DPYS: variants seen among roughly 807,000 people sequenced by gnomAD.
DPYS encodes the protein dihydropyrimidine amidohydrolase.
A neutral mutation model predicts 50.3 loss-of-function variants in DPYS; 39 were observed. The ratio of observed to expected loss-of-function variants is 0.78; its 90% confidence interval spans 0.60 to 1.01. DPYS has a LOEUF of 1.01. DPYS is among the 50% of genes least tolerant of loss of function. The pLI is 0.00. For missense variants in DPYS, 659 were observed against 680.9 expected, an observed-to-expected ratio of 0.97 and a Z score of 0.36; for synonymous variants, 245 against 250.7, an observed-to-expected ratio of 0.98 and a Z score of 0.22.
chr8:104,392,917 G>T lies in DPYS; in HGVS notation c.1310C>A (p.Pro437His), dbSNP rs1261901340. Reference protein sequence around the residue: ...IFEGMVCHGVPLVTISRGKVV... With the variant: ...IFEGMVCHGVHLVTISRGKVV... ...TTTGCCTCTTGAAATAGTCACAAGG[G>T]GCACCCCGTGGCAAACCATGCCCTC... The change falls in exon 8 of 10, where the codon CCC (proline) becomes CAC (histidine). Residue 437 changes from proline to histidine, a missense_variant. By Grantham distance (77) the Pro-to-His change is moderately conservative. Transcript: ENST00000351513. 6.2e-7 allele frequency: 1 copy of T among 1,614,028 alleles called. No individual in the cohort carries two copies. The highest frequency in any genetic ancestry group is 8.5e-7 in the Non-Finnish European group (1 of 1,180,044).
At chr8:104,442,771 A>G (rs915939150) in intron 4 of DPYS, among the ~76,000 whole-genome samples, 4 of 152,236 alleles carry the variant, frequency 2.6e-5, no homozygotes, top group African/African-American at 9.6e-5. Flanking sequence ...TATCAATTAT[A>G]TACATGCCAA....
chr8:104,382,989 C>A (rs1223607401), intron 8 of DPYS, among the ~76,000 whole-genome samples: 1 of 152,210 alleles, frequency 6.6e-6, no homozygotes, highest in Non-Finnish European at 1.5e-5. Flanking sequence ...TTCAGCTGTT[C>A]ATTTTTTGTC....
intron 7 of DPYS, among the ~76,000 whole-genome samples, chr8:104,407,955 G>GA (rs34571719): frequency 1.6e-4 from 23 of 146,406 alleles, no homozygotes; most frequent in African/African-American, 4.3e-4. Context: ...AAGACAGGAA[G>GA]AAAAAAAAAA....
At chr8:104,405,136 T>C (rs1375727641) in intron 7 of DPYS, among the ~76,000 whole-genome samples, 1 of 152,224 alleles carries the variant, frequency 6.6e-6, no homozygotes, top group Admixed American at 6.5e-5. Flanking sequence ...CGAATGACTG[T>C]CCCCACAGTG....
At chr8:104,398,246 T>A (rs1034972963) in intron 7 of DPYS, among the ~76,000 whole-genome samples, 2 of 152,230 alleles carry the variant, frequency 1.3e-5, no homozygotes, top group African/African-American at 4.8e-5. Flanking sequence ...ACCACAGGAA[T>A]CCATGTGGAG....
At chr8:104,399,215 T>TG (rs1207548694) in intron 7 of DPYS, among the ~76,000 whole-genome samples, 2 of 137,416 alleles carry the variant, frequency 1.5e-5, no homozygotes, top group Non-Finnish European at 1.5e-5. Flanking sequence ...CAGTTGAACC[T>TG]GGGGGGTGGA....
At chr8:104,452,850 CAAAT>C (rs1813797063) in intron 1 of DPYS, among the ~76,000 whole-genome samples, 1 of 152,000 alleles carries the variant, frequency 6.6e-6, no homozygotes, top group South Asian at 2.1e-4. Context: ...CAAAAATAAA[CAAAT>C]AAATAAAAAT....
intron 6 of DPYS, among the ~76,000 whole-genome samples, chr8:104,425,463 C>T (rs185073851): frequency 6.6e-6 from 1 of 151,844 alleles, no homozygotes; most frequent in East Asian, 2.0e-4. Context: ...TGGGGTATGC[C>T]CCACCATGCC....
At chr8:104,441,868 C>A (rs1367004585) in intron 4 of DPYS, among the ~76,000 whole-genome samples, 3 of 152,158 alleles carry the variant, frequency 2.0e-5, no homozygotes, top group African/African-American at 7.2e-5. Context: ...GCATACCCTG[C>A]ACTTACAAAA....
chr8:104,390,378 A>G lies in DPYS; in HGVS notation c.1443+2406T>C, dbSNP rs115728709. Among the ~76,000 whole-genome samples the G allele has an allele frequency of 7.2e-3, 1,090 of 152,124 alleles. 10 individuals carry two copies. The highest frequency in any genetic ancestry group is 0.024 in the African/African-American group (988 of 41,492). ...ATGTTTATAATTTACAGCATCTATT[A>G]TTACTTAAGGATAAAGTTTTTGGAA... On this transcript the variant is annotated intron_variant, in intron 8 of 9. Coordinates refer to ENST00000351513, the MANE Select transcript of DPYS (RefSeq NM_001385.3).
chr8:104,429,363 C>T, intron 5 of DPYS, 182 bp downstream of exon 5: 1 of 656,150 alleles, frequency 1.5e-6, no homozygotes, highest in Non-Finnish European at 2.6e-6. Context: ...GCTTTGACAA[C>T]ATATCACAGC....
chr8:104,412,176 G>A (rs1421791428), intron 7 of DPYS, among the ~76,000 whole-genome samples: 17 of 152,204 alleles, frequency 1.1e-4, no homozygotes, highest in African/African-American at 3.9e-4. Context: ...AGCAGGATAT[G>A]CTTGAAACCG....
rs2669429 is a variant in DPYS at position 104,451,462 on chromosome 8, A to G, written c.265-58T>C. The G allele has an allele frequency of 0.52, 832,156 of 1,606,164 alleles. 221,142 individuals are homozygous for G. The highest frequency in any genetic ancestry group is 0.56 in the Non-Finnish European group (654,397 of 1,176,764). ...TATCAATTTCCTAGTTAAGTCATTT[A>G]TCATCTTGAACAATGTGCATTTGTA... On this transcript the variant is annotated intron_variant, in intron 1 of 9. Coordinates refer to ENST00000351513, the MANE Select transcript of DPYS (RefSeq NM_001385.3).
At chr8:104,437,463 G>A (rs1388431294) in intron 4 of DPYS, among the ~76,000 whole-genome samples, 3 of 152,108 alleles carry the variant, frequency 2.0e-5, no homozygotes, top group Non-Finnish European at 4.4e-5. Flanking sequence ...AAATATATTA[G>A]CTAAAAGACT....
intron 7 of DPYS, among the ~76,000 whole-genome samples, chr8:104,401,047 A>G (rs1291316694): frequency 3.9e-5 from 6 of 152,214 alleles, no homozygotes; most frequent in Non-Finnish European, 4.4e-5. Context: ...GGTCTCCCCA[A>G]CCCCAGATAA....
intron 1 of DPYS, among the ~76,000 whole-genome samples, chr8:104,461,323 A>ATAAAG (rs1163243884): frequency 5.3e-5 from 8 of 151,166 alleles, no homozygotes; most frequent in Non-Finnish European, 8.8e-5. Context: ...ATAAAATAAA[A>ATAAAG]TAAAATAAAA....
intron 1 of DPYS, among the ~76,000 whole-genome samples, chr8:104,457,174 T>C (rs375167250): frequency 1.3e-5 from 2 of 152,158 alleles, no homozygotes; most frequent in East Asian, 3.9e-4. Context: ...TTTGGGGCCA[T>C]TATGAAGTAA....
At chr8:104,393,919 C>T (rs1048103211) in intron 7 of DPYS, among the ~76,000 whole-genome samples, 1 of 152,134 alleles carries the variant, frequency 6.6e-6, no homozygotes, top group East Asian at 1.9e-4. Flanking sequence ...AAACAGTGTA[C>T]GCTGAACCCA....
chr8:104,434,356 TC>T (rs1175635643), intron 4 of DPYS, among the ~76,000 whole-genome samples: 1 of 152,164 alleles, frequency 6.6e-6, no homozygotes, highest in Admixed American at 6.5e-5. Flanking sequence ...TAAATGCTGG[TC>T]AGCCTTTCCT....
Sources: allele counts gnomAD v4.1 joint callset (sites outside exome capture counted in the v4.1 genomes callset), GRCh38; gene constraint gnomAD v4.1.1; transcripts MANE v1.5; gene names NCBI Gene and HGNC (gene_info 2026-07-23, HGNC 2026-07-21).